Variants in RAB43 observed in about 807,000 individuals in gnomAD.
The protein encoded by RAB43 is ras-related protein Rab-43.
Under a neutral mutation model 18.8 loss-of-function variants are expected in RAB43, and 6 were observed. That is an observed-to-expected ratio of 0.32 (90% CI 0.17 to 0.63). The LOEUF (loss-of-function observed/expected upper bound fraction) is 0.63. Ranked by LOEUF, RAB43 falls within the 30% of genes least tolerant of loss-of-function variation. RAB43 has a pLI of 0.79. For missense variants in RAB43, 195 were observed against 289.1 expected (o/e 0.67, Z 2.36); for synonymous variants, 103 against 124.1 (o/e 0.83, Z 1.13).
In RAB43 at chr3:129,090,112, A is replaced by G. The variant is rs1933547779; in HGVS notation, c.*984T>C. The G allele has an allele frequency of 6.6e-6, 1 of 150,546 alleles. No homozygotes were observed. Among genetic ancestry groups the G allele is most frequent in the Non-Finnish European group, 1.5e-5 (1 of 67,748 alleles). The allele number at this position is 150,546 out of a possible 1,614,324, so 9.3% of individuals were successfully genotyped here. On this transcript the variant is annotated 3_prime_UTR_variant, in exon 3 of 3. Transcript: ENST00000315150. ...GGCAGTTAAGGGTCCAGGGAATAAA[A>G]TGGGCCAGGCCAAGGACCGCCAGGG...
rs561413453 is a variant in RAB43 at position 129,121,116 on chromosome 3, C to A, written c.204+170G>T. 1.8e-4 allele frequency among the ~76,000 whole-genome samples: 27 copies of A among 150,554 alleles called. No individual in the cohort carries two copies. The East Asian group carries it at 4.9e-3, about 27-fold the overall frequency. On this transcript the variant is annotated intron_variant, in intron 1 of 2. Transcript: ENST00000315150. ...ACGGCCGGCGCTTTGAGGACTTGAA[C>A]CCGGCCCAGACCCCGGGGCCCAGGC...
At chr3:129,100,230 C>T (rs1014541934) in intron 1 of RAB43, among the ~76,000 whole-genome samples, 1 of 152,104 alleles carries the variant, frequency 6.6e-6, no homozygotes, top group African/African-American at 2.4e-5. Context: ...AAGAAAAAAA[C>T]AAGTGCGGAA....
intron 1 of RAB43, among the ~76,000 whole-genome samples, chr3:129,113,881 G>A (rs1935330817): frequency 2.0e-5 from 3 of 152,148 alleles, no homozygotes; most frequent in South Asian, 4.1e-4. Context: ...ACAAAAATTA[G>A]CTAGGCGTGG....
intron 1 of RAB43, among the ~76,000 whole-genome samples, chr3:129,100,094 A>T (rs543165657): frequency 6.6e-6 from 1 of 152,302 alleles, no homozygotes; most frequent in South Asian, 2.1e-4. Flanking sequence ...ACAGAAAACA[A>T]GAATAAAGGG....
At chr3:129,122,050 C>G (rs1447846530), upstream of RAB43, 1 of 159,844 alleles carries the variant, frequency 6.3e-6, no homozygotes, top group Non-Finnish European at 1.3e-5. Flanking sequence ...AGGACCACCT[C>G]AGCCCGCCCC....
intron 1 of RAB43, among the ~76,000 whole-genome samples, chr3:129,118,883 A>G (rs1935717189): frequency 6.6e-6 from 1 of 152,212 alleles, no homozygotes; most frequent in South Asian, 2.1e-4. Context: ...CAGAAAAAAC[A>G]ACAATAAGCT....
rs1935658274 is a variant in RAB43 at position 129,118,003 on chromosome 3, A to AT, written c.204+3282dup. Among the ~76,000 whole-genome samples, 76 of 152,372 alleles carry AT rather than the reference A, an allele frequency of 5.0e-4. 2 individuals are homozygous for AT. The South Asian group carries it at 0.015, about 31-fold the overall frequency. On this transcript the variant is annotated intron_variant, in intron 1 of 2. Coordinates refer to ENST00000315150, the MANE Select transcript of RAB43 (RefSeq NM_198490.3). ...AAGCTGTGGTAAGTGTTATGACCAG[A>AT]TACAATAGAGTTACAGAATAGAGGA... is the stretch of plus-strand genomic sequence containing the variant.
At chr3:129,112,783 C>G (rs544790032) in intron 1 of RAB43, among the ~76,000 whole-genome samples, 1 of 151,554 alleles carries the variant, frequency 6.6e-6, no homozygotes, top group Non-Finnish European at 1.5e-5. Context: ...CAGGGTCTCA[C>G]TCTGTCACCC....
intron 2 of RAB43, 37 bp from the exon 3 acceptor site, chr3:129,091,383 G>A: frequency 6.3e-6 from 10 of 1,587,106 alleles, no homozygotes; most frequent in Non-Finnish European, 7.7e-6. Flanking sequence ...AGGCCATGGG[G>A]GCTGGGCAAG....
In RAB43 at chr3:129,107,729, CCT is replaced by C. The variant is rs764803844; in HGVS notation, c.205-12562_205-12561del. ...ACCCCACACCTCTTTTCCCCAAATT[CCT>C]CCGCTGCAAGGGCCCAGGCACAAGG... On this transcript the variant is annotated intron_variant, in intron 1 of 2. Transcript: ENST00000315150. This position sits in a 1 kb window ranked among gnomAD's most constrained non-coding sequence, Gnocchi z 4.2. Among the ~76,000 whole-genome samples the C allele has an allele frequency of 8.5e-5, 13 of 152,148 alleles. No individual in the cohort carries two copies. Among genetic ancestry groups the C allele is most frequent in the African/African-American group, 9.7e-5 (4 of 41,430 alleles).
At chr3:129,106,935 G>C (rs1934822734) in intron 1 of RAB43, among the ~76,000 whole-genome samples, 2 of 152,302 alleles carry the variant, frequency 1.3e-5, no homozygotes, top group East Asian at 3.9e-4. Context: ...CGTGATGAGG[G>C]ATGGCCCTGT....
intron 1 of RAB43, among the ~76,000 whole-genome samples, chr3:129,116,846 A>C (rs1212097179): frequency 3.3e-5 from 5 of 151,966 alleles, no homozygotes; most frequent in Admixed American, 2.0e-4. Context: ...ACGAGTTTAC[A>C]TAACAGGCCT....
At chr3:129,092,458 G>A in intron 2 of RAB43, 1 of 686,222 alleles carries the variant, frequency 1.5e-6, no homozygotes, top group East Asian at 2.8e-5. Flanking sequence ...GGTACCTGGG[G>A]GCTCATTATT....
intron 2 of RAB43, chr3:129,092,409 G>T (rs1254298889): frequency 3.2e-6 from 2 of 628,524 alleles, no homozygotes; most frequent in African/African-American, 1.8e-5. Context: ...GATGAGAGGA[G>T]GTTGGACTTC....
At position 129,095,253 on chromosome 3, in the gene RAB43, A is replaced by G; in HGVS notation, c.205-84T>C. 1.3e-6 allele frequency: 2 copies of G among 1,508,186 alleles called. No individual in the cohort carries two copies. Among genetic ancestry groups the G allele is most frequent in the South Asian group, 1.3e-5 (1 of 76,406 alleles). 93.4% of individuals were successfully genotyped at this position (1,508,186 alleles called of 1,614,324 possible). On this transcript the variant is annotated intron_variant, in intron 1 of 2. Coordinates refer to ENST00000315150, the MANE Select transcript of RAB43 (RefSeq NM_198490.3). The surrounding 1 kb of genome is among the most constrained non-coding windows in gnomAD (Gnocchi z 4.2). Reference sequence around the variant, plus strand: ...AGAGTGACCCCACAGACCCACACCCAGAGCTGTGGTTCCACTGGGCTAGGA... The same window carrying G: ...AGAGTGACCCCACAGACCCACACCCGGAGCTGTGGTTCCACTGGGCTAGGA...
rs571573238 is a variant in RAB43 at position 129,119,145 on chromosome 3, T to C, written c.204+2141A>G. ...GTGTGTAAATTAGACCTCAAAAAACTTGACTTAAAATCACATTGCCAAAAG... is the reference window on the plus strand; with the variant it reads ...GTGTGTAAATTAGACCTCAAAAAACCTGACTTAAAATCACATTGCCAAAAG... On this transcript the variant is annotated intron_variant, in intron 1 of 2. Transcript: ENST00000315150. Among the ~76,000 whole-genome samples, 7 of 152,282 alleles carry C rather than the reference T, an allele frequency of 4.6e-5. No homozygotes were observed. In the South Asian group the frequency reaches 1.4e-3, roughly 32 times the overall value.
At chr3:129,102,457 C>T (rs781168726) in intron 1 of RAB43, among the ~76,000 whole-genome samples, 3 of 151,806 alleles carry the variant, frequency 2.0e-5, no homozygotes, top group Non-Finnish European at 4.4e-5. Context: ...GGTGAAACCC[C>T]GTCTCTACTA....
At chr3:129,102,181 G>A (rs1282772814) in intron 1 of RAB43, among the ~76,000 whole-genome samples, 2 of 152,230 alleles carry the variant, frequency 1.3e-5, no homozygotes, top group African/African-American at 4.8e-5. Flanking sequence ...CAAGACCACT[G>A]CCCATGGCAG....
intron 1 of RAB43, among the ~76,000 whole-genome samples, chr3:129,104,413 C>T (rs1209859419): frequency 2.0e-5 from 3 of 152,188 alleles, no homozygotes; most frequent in African/African-American, 4.8e-5. Flanking sequence ...TCCCAGCAGG[C>T]TTGTCTTATA....
Sources: allele counts gnomAD v4.1 joint callset (sites outside exome capture counted in the v4.1 genomes callset), GRCh38; gene constraint gnomAD v4.1.1; non-coding constraint Gnocchi (gnomAD v3.1); transcripts MANE v1.5; gene names NCBI Gene and HGNC (gene_info 2026-07-23, HGNC 2026-07-21).